The following ARID5A variants were observed in gnomAD, a reference collection of about 807,000 sequenced individuals.
ARID5A encodes the protein AT-rich interactive domain-containing protein 5A.
In ARID5A, 14 loss-of-function variants were observed where a neutral mutation model predicts 30.5. The ratio of observed to expected loss-of-function variants is 0.46; its 90% confidence interval spans 0.30 to 0.72. ARID5A has a LOEUF of 0.72. Among genes scored for constraint, ARID5A ranks in the 30% least tolerant of loss-of-function variants. The pLI is 0.07. For missense variants in ARID5A, 669 were observed against 786.2 expected (o/e 0.85, Z 1.78); for synonymous variants, 338 against 340.4 (o/e 0.99, Z 0.08).
intron 1 of ARID5A, among the ~76,000 whole-genome samples, chr2:96,546,183 C>T (rs1183651450): frequency 6.6e-6 from 1 of 152,186 alleles, no homozygotes; most frequent in Non-Finnish European, 1.5e-5. Flanking sequence ...GTTTGGGTTT[C>T]TTGTTCCTGA....
chr2:96,543,469 C>T (rs965381199), intron 1 of ARID5A, among the ~76,000 whole-genome samples: 2 of 151,902 alleles, frequency 1.3e-5, no homozygotes, highest in Non-Finnish European at 2.9e-5. Flanking sequence ...CTCGGTGTCA[C>T]ATTTTGGTGA....
chr2:96,538,038 G>A, intron 1 of ARID5A: 7 of 985,522 alleles, frequency 7.1e-6, no homozygotes, highest in Non-Finnish European at 8.4e-6. Context: ...CGGGGCTCGA[G>A]GGCTTCACCC....
At chr2:96,551,036 T>C in intron 6 of ARID5A, 63 bp from the exon 7 acceptor site, 2 of 1,530,038 alleles carry the variant, frequency 1.3e-6, no homozygotes, top group Admixed American at 2.0e-5. Flanking sequence ...GTGCCACCTC[T>C]TGCTCCTCAG....
rs778099999 is a variant in ARID5A, at chr2:96,549,838, T to A, written c.312+33T>A. 1.2e-6 allele frequency: 2 copies of A among 1,603,534 alleles called. No homozygotes were observed. The highest frequency in any genetic ancestry group is 2.2e-5 in the South Asian group (2 of 89,102). ...AGGCACCTCCCAGTCCTTGCCAAAC[T>A]GCATATCCCTGGGGTGAGCCTGCAG... is the stretch of plus-strand genomic sequence containing the variant. On this transcript the variant is annotated intron_variant, in intron 4 of 6. Transcript: ENST00000357485. This position sits in a 1 kb window ranked among gnomAD's most constrained non-coding sequence, Gnocchi z 6.1.
chr2:96,547,327 C>G, intron 1 of ARID5A, 75 bp from the exon 2 acceptor site: 1 of 1,265,882 alleles, frequency 7.9e-7, no homozygotes, highest in Non-Finnish European at 1.1e-6. Context: ...GAGAGTGCTC[C>G]TGTTCCTCCC....
rs924497276 is a variant in ARID5A, at chr2:96,536,762, G to A, written c.-65G>A. ...GCGCCGCGAGCCAGTATCTCAGAGA[G>A]CGCGGGGTCCGGACAGCCGCGCGCT... On this transcript the variant is annotated 5_prime_UTR_variant, in exon 1 of 7. Coordinates refer to ENST00000357485, the MANE Select transcript of ARID5A (RefSeq NM_212481.3). The A allele has an allele frequency of 3.3e-6, 4 of 1,218,422 alleles. No homozygotes were observed. Among genetic ancestry groups the A allele is most frequent in the Non-Finnish European group, 3.1e-6 (3 of 979,218 alleles). The allele number at this position is 1,218,422 out of a possible 1,614,324, so 75.5% of individuals were successfully genotyped here. A position where few individuals can be genotyped will look rare whatever the true frequency, so the allele number is the denominator to read the frequency against.
At chr2:96,546,957 G>A (rs1441742529) in intron 1 of ARID5A, among the ~76,000 whole-genome samples, 6 of 152,108 alleles carry the variant, frequency 3.9e-5, no homozygotes, top group African/African-American at 9.7e-5. Context: ...GCCCAACCCC[G>A]GCCTCCTGTG....
chr2:96,550,708 C>A lies in ARID5A; in HGVS notation c.545C>A (p.Ala182Asp). Residue 182 changes from alanine to aspartate, a missense_variant, in exon 6 of 7, where the codon GCC becomes GAC. This residue lies in a region of ARID5A where 548 missense variants were observed against 577.4 expected (regional missense o/e 0.95). Transcript: ENST00000357485. This position sits in a 1 kb window ranked among gnomAD's most constrained non-coding sequence, Gnocchi z 6.6. ...DDGATERPKKAKEERRMDQMM... is the reference protein window; with the variant it reads ...DDGATERPKKDKEERRMDQMM... ...GGGGCCACCGAGAGGCCGAAGAAGG[C>A]CAAGGAGGAGCGGCGCATGGACCAG... 6.3e-7 allele frequency: 1 copy of A among 1,589,726 alleles called. No individual in the cohort carries two copies. The highest frequency in any genetic ancestry group is 1.8e-5 in the Admixed American group (1 of 56,306).
Position 96,550,105 on chromosome 2 carries a change from T to A in ARID5A, c.313-83T>A, listed in dbSNP as rs2066001727. 1 of 1,531,452 alleles carries A rather than the reference T, an allele frequency of 6.5e-7. No homozygotes were observed. Among genetic ancestry groups the A allele is most frequent in the East Asian group, 2.5e-5 (1 of 40,678 alleles). 94.9% of individuals were successfully genotyped at this position (1,531,452 alleles called of 1,614,324 possible). A position where few individuals can be genotyped will look rare whatever the true frequency, so the allele number is the denominator to read the frequency against. ...AGCTGCCAAACTGCAGTCCTTCGAG[T>A]CCCTGCGAGGGCGGCCGGAGCTGCA... is the stretch of plus-strand genomic sequence containing the variant. On this transcript the variant is annotated intron_variant, in intron 4 of 6. Coordinates refer to ENST00000357485, the MANE Select transcript of ARID5A (RefSeq NM_212481.3). This position sits in a 1 kb window ranked among gnomAD's most constrained non-coding sequence, Gnocchi z 6.6.
In ARID5A at chr2:96,552,235, G is replaced by A. The variant is rs375990483; in HGVS notation, c.1707G>A (p.Pro569=). Reference sequence around the variant, plus strand: ...GTGCCCTCCGCCACAGACTTTGCCCGGCCTCATCTGCCTGGCACGCACCAC... The same window carrying A: ...GTGCCCTCCGCCACAGACTTTGCCCAGCCTCATCTGCCTGGCACGCACCAC... ...FDSALRHRLC[P]ASSAWHAPPV... is the part of the protein sequence containing the mutation. Residue 569 remains proline, a synonymous_variant, in exon 7 of 7, where the codon CCG becomes CCA. Coordinates refer to ENST00000357485, the MANE Select transcript of ARID5A (RefSeq NM_212481.3). 5.3e-5 allele frequency: 86 copies of A among 1,613,464 alleles called. No individual in the cohort carries two copies. The East Asian group carries it at 1.2e-3, about 22-fold the overall frequency.
intron 2 of ARID5A, among the ~76,000 whole-genome samples, chr2:96,548,046 G>T (rs2065959758): frequency 6.6e-6 from 1 of 152,200 alleles, no homozygotes; most frequent in Non-Finnish European, 1.5e-5. Context: ...CAGAATAGAG[G>T]CCTGGAGGAG....
chr2:96,546,678 C>T (rs1035490239), intron 1 of ARID5A, among the ~76,000 whole-genome samples: 1 of 152,234 alleles, frequency 6.6e-6, no homozygotes, highest in South Asian at 2.1e-4. Context: ...GAGGAAGGCA[C>T]TTGTCAGCAG....
chr2:96,541,069 C>T (rs1173050868), intron 1 of ARID5A, among the ~76,000 whole-genome samples: 2 of 141,602 alleles, frequency 1.4e-5, no homozygotes, highest in Non-Finnish European at 3.0e-5. Flanking sequence ...GAAGGAATCT[C>T]GCTCTGTCGC....
chr2:96,550,774 C>T lies in ARID5A; in HGVS notation c.570+41C>T. The T allele has an allele frequency of 6.6e-7, 1 of 1,507,216 alleles. No individual in the cohort carries two copies. The highest frequency in any genetic ancestry group is 2.3e-5 in the Admixed American group (1 of 43,918). 93.4% of individuals were successfully genotyped at this position (1,507,216 alleles called of 1,614,324 possible). ...GCTGGGGCCACCCTGTCCCTTGCCT[C>T]TTGTAGCCCCCTACCCCACAACTCC... is the stretch of plus-strand genomic sequence containing the variant. On this transcript the variant is annotated intron_variant, in intron 6 of 6. Transcript: ENST00000357485. The surrounding 1 kb of genome is among the most constrained non-coding windows in gnomAD (Gnocchi z 6.6).
At position 96,551,705 on chromosome 2, in the gene ARID5A, G is replaced by A. The variant is rs770571514; in HGVS notation, c.1177G>A (p.Ala393Thr). 22 of 1,519,818 alleles carry A rather than the reference G, an allele frequency of 1.4e-5. No homozygotes were observed. Among genetic ancestry groups the A allele is most frequent in the African/African-American group, 2.8e-5 (2 of 71,638 alleles). The allele number at this position is 1,519,818 out of a possible 1,614,324, so 94.1% of individuals were successfully genotyped here. A position where few individuals can be genotyped will look rare whatever the true frequency, so the allele number is the denominator to read the frequency against. ...GCCCCAGCTGGTGTGGGGCGGAGAC[G>A]CTAACCGCCCTTCTGCGTTCCATAA... is the stretch of plus-strand genomic sequence containing the variant. The part of the protein sequence containing the change: ...KEPQLVWGGD[A>T]NRPSAFHKGG... The change falls in exon 7 of 7, where the codon GCT (alanine) becomes ACT (threonine). Residue 393 changes from alanine (A) to threonine (T), a missense_variant. Around this residue, in one of 4 missense-constraint regions of ARID5A, gnomAD observed 548 missense variants for 577.4 expected, o/e 0.95. Coordinates refer to ENST00000357485, the MANE Select transcript of ARID5A (RefSeq NM_212481.3).
chr2:96,541,332 G>A (rs2065842992), intron 1 of ARID5A, among the ~76,000 whole-genome samples: 1 of 152,168 alleles, frequency 6.6e-6, no homozygotes, highest in Admixed American at 6.5e-5. Context: ...TAAAGGGAAT[G>A]TAACAGAATT....
chr2:96,544,836 A>C (rs2065899393), intron 1 of ARID5A, among the ~76,000 whole-genome samples: 1 of 152,256 alleles, frequency 6.6e-6, no homozygotes. Flanking sequence ...GGCAAAATAC[A>C]TTGAAAACCT....
chr2:96,543,380 C>T (rs1401480726), intron 1 of ARID5A, among the ~76,000 whole-genome samples: 1 of 151,948 alleles, frequency 6.6e-6, no homozygotes, highest in African/African-American at 2.4e-5. Flanking sequence ...GCATTTTTTA[C>T]TCATTGAAGG....
At position 96,549,463 on chromosome 2, in the gene ARID5A, C is replaced by T. The variant is rs755115526; in HGVS notation, c.259+4C>T. ...CCCCATCTCGGCTTCAAGCAGAGTG[C>T]GTCCCTGGGGTGCAGGCAGGGAGGG... On this transcript the variant is annotated splice_donor_region_variant and intron_variant, in intron 3 of 6. Coordinates refer to ENST00000357485, the MANE Select transcript of ARID5A (RefSeq NM_212481.3). The surrounding 1 kb of genome is among the most constrained non-coding windows in gnomAD (Gnocchi z 6.1). 1.2e-6 allele frequency: 2 copies of T among 1,612,442 alleles called. No individual in the cohort carries two copies. Among genetic ancestry groups the T allele is most frequent in the Non-Finnish European group, 1.7e-6 (2 of 1,179,214 alleles).
Sources: gnomAD v4.1 joint callset for allele counts (sites outside exome capture counted in the v4.1 genomes callset) on GRCh38, gnomAD v4.1.1 for gene constraint, gnomAD v4.1.1 regional missense constraint, Gnocchi (gnomAD v3.1) non-coding constraint, MANE v1.5 for transcripts, NCBI Gene and HGNC (gene_info 2026-07-23, HGNC 2026-07-21) for gene names.